Variants in ITSN2 observed in about 807,000 individuals in gnomAD.
The protein encoded by ITSN2 is intersectin-2.
ITSN2 carries 156 observed loss-of-function variants against 243.7 expected under a neutral mutation model. The ratio of observed to expected loss-of-function variants is 0.64; its 90% CI spans 0.56 to 0.73. ITSN2 has a LOEUF of 0.73. Ranked by LOEUF, ITSN2 falls within the 30% of genes least tolerant of loss-of-function variation. The pLI is 0.00. For synonymous variants in ITSN2, 703 were observed against 699.9 expected, an observed-to-expected ratio of 1.00 and a Z score of -0.07; for missense variants, 1,801 against 1,996.1, an observed-to-expected ratio of 0.90 and a Z score of 1.86.
intron 9 of ITSN2, among the ~76,000 whole-genome samples, 186 bp downstream of exon 9, chr2:24,303,610 TACA>T (rs768558163): frequency 2.0e-5 from 3 of 152,228 alleles, no homozygotes; most frequent in Non-Finnish European, 2.9e-5. Context: ...AGCTTAAGGG[TACA>T]ACAACATTCT....
chr2:24,334,887 C>G, intron 1 of ITSN2: 3 of 469,636 alleles, frequency 6.4e-6, no homozygotes, highest in South Asian at 5.8e-5. Context: ...CAAGGTGAAA[C>G]CCCGTCTCTA....
chr2:24,210,062 A>C (rs1297466385), intron 34 of ITSN2, 29 bp from the exon 35 acceptor site: 3 of 1,558,712 alleles, frequency 1.9e-6, no homozygotes, highest in African/African-American at 2.7e-5. Context: ...TTCACTTTTT[A>C]AATCCCGGCA....
intron 32 of ITSN2, among the ~76,000 whole-genome samples, chr2:24,214,198 T>C (rs1669753881): frequency 6.6e-6 from 1 of 152,232 alleles, no homozygotes; most frequent in Non-Finnish European, 1.5e-5. Flanking sequence ...ATTTTATGAA[T>C]TGTTACTTTA....
intron 15 of ITSN2, among the ~76,000 whole-genome samples, chr2:24,292,201 T>C (rs1004752734): frequency 2.0e-5 from 3 of 152,250 alleles, no homozygotes; most frequent in African/African-American, 7.2e-5. Flanking sequence ...AATTGGACTA[T>C]GGCTAAATAA....
Position 24,249,542 on chromosome 2 carries a change from C to T in ITSN2, c.3121-660G>A, listed in dbSNP as rs1220795106. On this transcript the variant is annotated intron_variant, in intron 25 of 39. Transcript: ENST00000355123. The surrounding 1 kb of genome is among the most constrained non-coding windows in gnomAD (Gnocchi z 4.4). ...TCTGTTAGTGAACATAGCTGCAGTA[C>T]AAGTATTAAGCAGAGTGGATGGTAG... Among the ~76,000 whole-genome samples, 1 of 152,150 alleles carries T rather than the reference C, an allele frequency of 6.6e-6. No homozygotes were observed. Among genetic ancestry groups the T allele is most frequent in the Non-Finnish European group, 1.5e-5 (1 of 68,024 alleles).
intron 2 of ITSN2, among the ~76,000 whole-genome samples, chr2:24,322,890 C>T (rs2151812846): frequency 6.6e-6 from 1 of 150,798 alleles, no homozygotes; most frequent in East Asian, 1.9e-4. Context: ...TCCCCCCCCT[C>T]AAAAAAAAGG....
chr2:24,290,231 C>A (rs1371345148), intron 15 of ITSN2, among the ~76,000 whole-genome samples: 2 of 152,110 alleles, frequency 1.3e-5, no homozygotes, highest in Non-Finnish European at 2.9e-5. Flanking sequence ...TATTATCAAT[C>A]TTTTTTCATT....
intron 29 of ITSN2, among the ~76,000 whole-genome samples, chr2:24,236,652 A>AT (rs2151228449): frequency 7.4e-6 from 1 of 134,730 alleles, no homozygotes; most frequent in African/African-American, 2.7e-5. Context: ...GCAATCTCTG[A>AT]TTTTTCCTGT....
intron 1 of ITSN2, 73 bp from the exon 2 acceptor site, chr2:24,328,188 G>A (rs935126159): frequency 7.1e-5 from 75 of 1,050,844 alleles, no homozygotes; most frequent in Non-Finnish European, 1.0e-4. Context: ...CCGCTAAGCA[G>A]TAGGAATGTC....
At position 24,245,030 on chromosome 2, in the gene ITSN2, TATATC is replaced by T. The variant is rs140567986; in HGVS notation, c.3577+1094_3577+1098del. Among the ~76,000 whole-genome samples the T allele has an allele frequency of 7.2e-3, 1,103 of 152,316 alleles. 8 individuals are homozygous for T. Among genetic ancestry groups the T allele is most frequent in the African/African-American group, 0.026 (1,062 of 41,560 alleles). Reference sequence around the variant, plus strand: ...TAAGTATTTTAAATTTCATAAGAGATATATCATGAGATATTTTAAAAATAAAACTA... The same window carrying T: ...TAAGTATTTTAAATTTCATAAGAGATATGAGATATTTTAAAAATAAAACTA... On this transcript the variant is annotated intron_variant, in intron 29 of 39. Transcript: ENST00000355123.
In ITSN2 at chr2:24,211,287, T is replaced by C. The variant is rs1269960730; in HGVS notation, c.4090-340A>G. 1.3e-5 allele frequency among the ~76,000 whole-genome samples: 2 copies of C among 152,188 alleles called. No individual in the cohort carries two copies. The highest frequency in any genetic ancestry group is 2.9e-5 in the Non-Finnish European group (2 of 68,028). ...ATTTAAGCCATGTAAGGGTGCGCCC[T>C]CCTGTATAAACTGGCTGCAGCTGTG... On this transcript the variant is annotated intron_variant, in intron 33 of 39. Coordinates refer to ENST00000355123, the MANE Select transcript of ITSN2 (RefSeq NM_006277.3). The surrounding 1 kb of genome is among the most constrained non-coding windows in gnomAD (Gnocchi z 4.1).
rs771619819 is a variant in ITSN2 at position 24,220,965 on chromosome 2, C to T, written c.3679G>A (p.Asp1227Asn). The T allele has an allele frequency of 7.5e-6, 12 of 1,599,782 alleles. No individual in the cohort carries two copies. The South Asian group carries it at 1.0e-4, about 14-fold the overall frequency. ...CTCACCTCGACGACGAGCTGAAGGT[C>T]AGCCATGTACCGCTCTTCGGTCTGA... ...LIQTEERYMA[D>N]LQLVVEVFQK... The change falls in exon 30 of 40, where the codon GAC (aspartate) becomes AAC (asparagine). Residue 1227 changes from aspartate to asparagine, a missense_variant. By Grantham distance (23) the Asp-to-Asn change is conservative (BLOSUM62 1). Transcript: ENST00000355123.
intron 29 of ITSN2, among the ~76,000 whole-genome samples, chr2:24,223,981 CA>C (rs1313848643): frequency 2.0e-5 from 3 of 152,136 alleles, no homozygotes; most frequent in East Asian, 1.9e-4. Context: ...TATCTTCTGC[CA>C]GGGGGAACTG....
At position 24,325,720 on chromosome 2, in the gene ITSN2, G is replaced by A. The variant is rs548784814; in HGVS notation, c.31+2332C>T. The stretch of plus-strand genomic sequence containing the variant: ...TTAGAAATACATTAAAATTCTATCC[G>A]CTTCCCCTAACTCATCACTGATATT... On this transcript the variant is annotated intron_variant, in intron 2 of 39. Coordinates refer to ENST00000355123, the MANE Select transcript of ITSN2 (RefSeq NM_006277.3). Among the ~76,000 whole-genome samples, 70 of 152,154 alleles carry A rather than the reference G, an allele frequency of 4.6e-4. 1 individual carries two copies. The highest frequency in any genetic ancestry group is 1.7e-3 in the African/African-American group (69 of 41,514).
rs555792859 is a variant in ITSN2 at position 24,292,042 on chromosome 2, T to C, written c.1723+1646A>G. On this transcript the variant is annotated intron_variant, in intron 15 of 39. Coordinates refer to ENST00000355123, the MANE Select transcript of ITSN2 (RefSeq NM_006277.3). ...GAATAATAACTATACCAAAGGGTTA[T>C]TGTAAAGATTAAAGGAAAGAATGCA... 3.3e-5 allele frequency among the ~76,000 whole-genome samples: 5 copies of C among 152,274 alleles called. No individual in the cohort carries two copies. In the South Asian group the frequency reaches 8.3e-4, roughly 25 times the overall value.
intron 1 of ITSN2, among the ~76,000 whole-genome samples, chr2:24,339,077 G>A (rs1686753942): frequency 6.6e-6 from 1 of 152,018 alleles, no homozygotes; most frequent in East Asian, 1.9e-4. Context: ...CCTGAGAGAA[G>A]GACTAGTTAA....
At chr2:24,343,655 C>T (rs1687265103) in intron 1 of ITSN2, among the ~76,000 whole-genome samples, 1 of 152,084 alleles carries the variant, frequency 6.6e-6, no homozygotes. Context: ...ATAGATAATA[C>T]CAAACAGCCT....
intron 17 of ITSN2, among the ~76,000 whole-genome samples, chr2:24,278,134 C>A (rs750811095): frequency 1.2e-4 from 18 of 152,250 alleles, no homozygotes; most frequent in Non-Finnish European, 2.2e-4. Flanking sequence ...AAAAAGGAGC[C>A]AAATTAATGT....
intron 37 of ITSN2, among the ~76,000 whole-genome samples, chr2:24,207,205 G>A (rs1015106425): frequency 6.6e-6 from 1 of 152,200 alleles, no homozygotes; most frequent in Non-Finnish European, 1.5e-5. Flanking sequence ...GTGGCAGAGA[G>A]GAAAGAGAGC....
Sources: gnomAD v4.1 joint callset for allele counts (sites outside exome capture counted in the v4.1 genomes callset) on GRCh38, gnomAD v4.1.1 for gene constraint, Gnocchi (gnomAD v3.1) non-coding constraint, MANE v1.5 for transcripts, NCBI Gene and HGNC (gene_info 2026-07-23, HGNC 2026-07-21) for gene names.